Variants in A1CF observed in about 807,000 individuals in gnomAD.
A1CF encodes APOBEC-1 stimulating protein.
In A1CF, 48 loss-of-function variants were observed where a neutral mutation model predicts 68.9. The observed-to-expected ratio is 0.70, with a 90% CI of 0.55 to 0.89. A1CF has a LOEUF of 0.89. A1CF is among the 40% of genes least tolerant of loss of function. The probability of loss-of-function intolerance (pLI) is 0.00; values close to 1 mark genes in which losing one functional copy is unlikely to be tolerated. For synonymous variants in A1CF, 272 were observed against 260.4 expected (o/e 1.04, Z -0.43); for missense variants, 653 against 718.9 (o/e 0.91, Z 1.05).
intron 3 of A1CF, among the ~76,000 whole-genome samples, chr10:50,846,125 A>C (rs1839989672): frequency 6.6e-6 from 1 of 152,198 alleles, no homozygotes; most frequent in East Asian, 1.9e-4. Flanking sequence ...AAAACTTTTC[A>C]GTGCCAACAT....
chr10:50,871,698 A>G (rs1841274110), intron 1 of A1CF, among the ~76,000 whole-genome samples: 1 of 152,090 alleles, frequency 6.6e-6, no homozygotes, highest in Non-Finnish European at 1.5e-5. Flanking sequence ...TGCTATTTCA[A>G]ATTCATAGGG....
intron 3 of A1CF, among the ~76,000 whole-genome samples, 183 bp from the exon 4 acceptor site, chr10:50,844,305 T>C (rs1839904125): frequency 6.6e-6 from 1 of 152,268 alleles, no homozygotes; most frequent in Non-Finnish European, 1.5e-5. Context: ...TACCACACTC[T>C]GTGCTTCAGC....
At chr10:50,851,992 A>G (rs2132494572) in intron 3 of A1CF, among the ~76,000 whole-genome samples, 1 of 152,358 alleles carries the variant, frequency 6.6e-6, no homozygotes, top group East Asian at 1.9e-4. Context: ...ATGAAGAGTC[A>G]CTTAATTTTA....
chr10:50,809,788 T>C (rs1334010520), intron 12 of A1CF, 106 bp downstream of exon 12: 1 of 1,494,500 alleles, frequency 6.7e-7, no homozygotes, highest in African/African-American at 1.4e-5. Flanking sequence ...GCAAGTCAGA[T>C]TGCTGTAAGT....
intron 7 of A1CF, among the ~76,000 whole-genome samples, chr10:50,820,899 G>A (rs991500868): frequency 1.6e-4 from 24 of 152,058 alleles, no homozygotes; most frequent in Non-Finnish European, 2.6e-4. Context: ...GTGTCTAAGG[G>A]TGGGAATTCC....
intron 1 of A1CF, among the ~76,000 whole-genome samples, chr10:50,872,148 CT>C (rs1335515288): frequency 3.9e-5 from 6 of 152,014 alleles, no homozygotes; most frequent in Non-Finnish European, 7.4e-5. Flanking sequence ...AAATGGTAAT[CT>C]TTAGTGATCA....
chr10:50,804,005 T>G lies in A1CF; in HGVS notation c.*2724A>C, dbSNP rs1837715899. The G allele has an allele frequency of 6.6e-6, 1 of 152,188 alleles. No individual in the cohort carries two copies. The highest frequency in any genetic ancestry group is 2.1e-4 in the South Asian group (1 of 4,830). The allele number at this position is 152,188 out of a possible 1,614,324, so 9.4% of individuals were successfully genotyped here. Reference sequence around the variant, plus strand: ...TTAAACTTATGGTAGCAGGACTTGCTCTATCTACCTAACTTGGGGAAAGTA... The same window carrying G: ...TTAAACTTATGGTAGCAGGACTTGCGCTATCTACCTAACTTGGGGAAAGTA... On this transcript the variant is annotated 3_prime_UTR_variant, in exon 13 of 13. Transcript: ENST00000373997.
At chr10:50,829,498 T>C (rs536690698) in intron 6 of A1CF, among the ~76,000 whole-genome samples, 1 of 152,284 alleles carries the variant, frequency 6.6e-6, no homozygotes, top group Non-Finnish European at 1.5e-5. Flanking sequence ...AATGCATCTT[T>C]ATATTCCTTG....
At chr10:50,812,750 A>C (rs1838176628) in intron 10 of A1CF, among the ~76,000 whole-genome samples, 1 of 152,112 alleles carries the variant, frequency 6.6e-6, no homozygotes, top group African/African-American at 2.4e-5. Flanking sequence ...CTAATTTTTC[A>C]TGATAAGGAT....
rs1267589188 is a variant in A1CF, at chr10:50,816,212, T to C, written c.935A>G (p.Tyr312Cys). Residue 312 changes from tyrosine to cysteine, a missense_variant, in exon 9 of 13, where the codon TAT (tyrosine) becomes TGT (cysteine). By Grantham distance (194) the Tyr-to-Cys change is radical. Transcript: ENST00000373997. ...KPVDKDSYVR[Y>C]TRGTGGRGTM... ...GCCCCTTCCACCTGTGCCTCGGGTA[T>C]ACCTAACATAACTGTCCTTGTCCAC... 2 of 1,613,836 alleles carry C rather than the reference T, an allele frequency of 1.2e-6. No homozygotes were observed. The highest frequency in any genetic ancestry group is 1.1e-5 in the South Asian group (1 of 91,078).
intron 3 of A1CF, among the ~76,000 whole-genome samples, chr10:50,849,061 T>C (rs1840121423): frequency 6.6e-6 from 1 of 152,160 alleles, no homozygotes; most frequent in Non-Finnish European, 1.5e-5. Context: ...ATTCCACCTA[T>C]ATACTAGATC....
rs755825235 is a variant in A1CF at position 50,859,957 on chromosome 10, C to CA, written c.-18dup. 3 of 1,606,972 alleles carry CA rather than the reference C, an allele frequency of 1.9e-6. No homozygotes were observed. Among genetic ancestry groups the CA allele is most frequent in the African/African-American group, 1.3e-5 (1 of 74,632 alleles). ...TGATTCCATTGAGAGTGATTATCAGCAAAAAATCAGGTTAATTAGGGTTGC... is the reference window on the plus strand; with the variant it reads ...TGATTCCATTGAGAGTGATTATCAGCAAAAAAATCAGGTTAATTAGGGTTGC... On this transcript the variant is annotated 5_prime_UTR_variant, in exon 3 of 13. Transcript: ENST00000373997.
chr10:50,811,812 T>C (rs1289353749), intron 10 of A1CF, among the ~76,000 whole-genome samples: 1 of 152,212 alleles, frequency 6.6e-6, no homozygotes, highest in Non-Finnish European at 1.5e-5. Flanking sequence ...TGCATGTTTT[T>C]TCTTCTGTAA....
intron 8 of A1CF, among the ~76,000 whole-genome samples, chr10:50,818,110 A>G (rs549464923): frequency 5.8e-4 from 88 of 152,100 alleles, no homozygotes; most frequent in Non-Finnish European, 1.1e-3. Flanking sequence ...TGTTCTGCAT[A>G]TGGCTGTCTC....
intron 12 of A1CF, 118 bp downstream of exon 12, chr10:50,809,776 G>T: frequency 6.9e-7 from 1 of 1,445,342 alleles, no homozygotes; most frequent in Non-Finnish European, 9.3e-7. Flanking sequence ...TCCCAAGGTT[G>T]TGCAAGTCAG....
At chr10:50,878,946 C>T (rs1172961474) in intron 1 of A1CF, among the ~76,000 whole-genome samples, 1 of 152,150 alleles carries the variant, frequency 6.6e-6, no homozygotes, top group African/African-American at 2.4e-5. Flanking sequence ...TATATCACCC[C>T]CAAGTTACTT....
intron 5 of A1CF, among the ~76,000 whole-genome samples, chr10:50,837,542 A>G (rs1246602939): frequency 6.6e-6 from 1 of 152,246 alleles, no homozygotes; most frequent in Non-Finnish European, 1.5e-5. Context: ...GGAAATGAGC[A>G]AAATACCTCA....
chr10:50,813,724 T>A, intron 10 of A1CF, 133 bp downstream of exon 10: 2 of 835,430 alleles, frequency 2.4e-6, no homozygotes, highest in Non-Finnish European at 3.7e-6. Flanking sequence ...ACTGTGACAT[T>A]CATTGGATGC....
In A1CF at chr10:50,804,578, G is replaced by C. The variant is rs1426847500; in HGVS notation, c.*2151C>G. The C allele has an allele frequency of 6.6e-6, 1 of 152,144 alleles. No homozygotes were observed. The highest frequency in any genetic ancestry group is 1.5e-5 in the Non-Finnish European group (1 of 67,996). The allele number at this position is 152,144 out of a possible 1,614,324, so 9.4% of individuals were successfully genotyped here. Reference sequence around the variant, plus strand: ...CTTTGAGAATAAAAGCAGATCTGTAGGGGAGTGTAAATTTGGATCTAAGAA... The same window carrying C: ...CTTTGAGAATAAAAGCAGATCTGTACGGGAGTGTAAATTTGGATCTAAGAA... On this transcript the variant is annotated 3_prime_UTR_variant, in exon 13 of 13. Coordinates refer to ENST00000373997, the MANE Select transcript of A1CF (RefSeq NM_014576.4).
Sources: gnomAD v4.1 joint callset for allele counts (sites outside exome capture counted in the v4.1 genomes callset) on GRCh38, gnomAD v4.1.1 for gene constraint, MANE v1.5 for transcripts, NCBI Gene and HGNC (gene_info 2026-07-23, HGNC 2026-07-21) for gene names.